The following PCED1B variants were observed in gnomAD, a reference collection of about 807,000 sequenced individuals.
The protein encoded by PCED1B is PC-esterase domain-containing protein 1B.
For missense variants in PCED1B, 573 were observed against 573.9 expected (o/e 1.00, Z 0.02); for synonymous variants, 251 against 246.1 (o/e 1.02, Z -0.19).
intron 1 of PCED1B, among the ~76,000 whole-genome samples, chr12:47,080,941 G>A (rs923055601): frequency 6.6e-6 from 1 of 152,134 alleles, no homozygotes; most frequent in African/African-American, 2.4e-5. Context: ...GTGCGCGGAG[G>A]CTCTTCATCC....
chr12:47,205,649 T>C (rs1245654390), intron 2 of PCED1B, among the ~76,000 whole-genome samples: 1 of 152,082 alleles, frequency 6.6e-6, no homozygotes, highest in Non-Finnish European at 1.5e-5. Flanking sequence ...ATAATTTTCT[T>C]AGTTGTAATT....
Position 47,082,218 on chromosome 12 carries a change from G to T in PCED1B, c.-609+2493G>T, listed in dbSNP as rs373827645. On this transcript the variant is annotated intron_variant, in intron 1 of 3. Transcript: ENST00000546455. ...AGAGGATAGCAGTTTTATCTGTTTTGTGTATTGCTGTATTCTCAGCTCTCA... is the reference window on the plus strand; with the variant it reads ...AGAGGATAGCAGTTTTATCTGTTTTTTGTATTGCTGTATTCTCAGCTCTCA... Among the ~76,000 whole-genome samples, 22 of 152,190 alleles carry T rather than the reference G, an allele frequency of 1.4e-4. No individual in the cohort carries two copies. The East Asian group carries it at 2.9e-3, about 20-fold the overall frequency.
intron 2 of PCED1B, among the ~76,000 whole-genome samples, chr12:47,130,283 G>A (rs1940072105): frequency 6.6e-6 from 1 of 152,122 alleles, no homozygotes; most frequent in Non-Finnish European, 1.5e-5. Context: ...AGGGTAGATA[G>A]GAAAATTGAA....
intron 2 of PCED1B, among the ~76,000 whole-genome samples, chr12:47,215,000 C>T (rs1352693041): frequency 6.6e-6 from 1 of 151,974 alleles, no homozygotes; most frequent in African/African-American, 2.4e-5. Context: ...GATTCTCCTG[C>T]CTCAGCCTCC....
At chr12:47,233,821 G>A (rs1379225933) in intron 3 of PCED1B, among the ~76,000 whole-genome samples, 1 of 152,104 alleles carries the variant, frequency 6.6e-6, no homozygotes, top group African/African-American at 2.4e-5. Context: ...TGCACATTTT[G>A]GGGTGGCATA....
chr12:47,117,537 T>A, intron 2 of PCED1B, among the ~76,000 whole-genome samples: 1 of 152,220 alleles, frequency 6.6e-6, no homozygotes, highest in Non-Finnish European at 1.5e-5. Flanking sequence ...TCATCCTTCT[T>A]TATGGCTGCA....
intron 2 of PCED1B, among the ~76,000 whole-genome samples, chr12:47,120,169 C>A (rs1939616355): frequency 1.3e-5 from 2 of 151,942 alleles, no homozygotes; most frequent in Non-Finnish European, 2.9e-5. Flanking sequence ...TAGCTAAAAA[C>A]AAAAATTCAG....
intron 3 of PCED1B, among the ~76,000 whole-genome samples, chr12:47,217,527 AAGAG>A (rs1281438751): frequency 8.1e-6 from 1 of 123,894 alleles, no homozygotes; most frequent in Non-Finnish European, 1.6e-5. Flanking sequence ...AAGAAAGAGA[AAGAG>A]AGAAAAGAAA....
rs372109816 is a variant in PCED1B at position 47,231,431 on chromosome 12, T to C, written c.-57-3576T>C. Among the ~76,000 whole-genome samples, 35 of 151,552 alleles carry C rather than the reference T, an allele frequency of 2.3e-4. No individual in the cohort carries two copies. The East Asian group carries it at 2.3e-3, about 10-fold the overall frequency. On this transcript the variant is annotated intron_variant, in intron 3 of 3. Transcript: ENST00000546455. ...TGCTAAAGCTAGTGGAGGATAAGGG[T>C]TTTTTCAGTAAGTTTATTTATACAG...
At chr12:47,129,920 G>A (rs888835831) in intron 2 of PCED1B, among the ~76,000 whole-genome samples, 1 of 152,214 alleles carries the variant, frequency 6.6e-6, no homozygotes, top group Non-Finnish European at 1.5e-5. Flanking sequence ...CTTATAATGA[G>A]CAAAAGCAGT....
chr12:47,201,031 G>A (rs1412060734), intron 2 of PCED1B, among the ~76,000 whole-genome samples: 1 of 152,074 alleles, frequency 6.6e-6, no homozygotes, highest in Non-Finnish European at 1.5e-5. Context: ...ACTTTGAGAC[G>A]AGTTAAGAGT....
At chr12:47,176,335 C>T (rs1941923457) in intron 2 of PCED1B, among the ~76,000 whole-genome samples, 1 of 152,092 alleles carries the variant, frequency 6.6e-6, no homozygotes, top group Admixed American at 6.5e-5. Context: ...TTGGAAATCC[C>T]TGGGTGACAA....
At chr12:47,234,491 T>A (rs1943909278) in intron 3 of PCED1B, among the ~76,000 whole-genome samples, 1 of 152,236 alleles carries the variant, frequency 6.6e-6, no homozygotes, top group South Asian at 2.1e-4. Context: ...TATGCATATC[T>A]CTTTTATATA....
At chr12:47,126,031 T>C (rs1203889656) in intron 2 of PCED1B, among the ~76,000 whole-genome samples, 1 of 152,120 alleles carries the variant, frequency 6.6e-6, no homozygotes, top group Non-Finnish European at 1.5e-5. Flanking sequence ...CTTGATACTC[T>C]AGTATAATGT....
chr12:47,135,707 G>C (rs1185796161), intron 2 of PCED1B: 3 of 530,984 alleles, frequency 5.6e-6, no homozygotes, highest in Admixed American at 3.9e-5. Context: ...TCTTGAAGAG[G>C]GTGTTGAATA....
chr12:47,114,172 A>G (rs1939323108), intron 2 of PCED1B, among the ~76,000 whole-genome samples: 1 of 152,170 alleles, frequency 6.6e-6, no homozygotes, highest in African/African-American at 2.4e-5. Flanking sequence ...CAGAATTCAG[A>G]TTCAGCACAC....
At chr12:47,175,153 A>G (rs1418831426) in intron 2 of PCED1B, among the ~76,000 whole-genome samples, 3 of 152,204 alleles carry the variant, frequency 2.0e-5, no homozygotes, top group Non-Finnish European at 2.9e-5. Flanking sequence ...AAATCGTAAA[A>G]GAGGTAGAAT....
rs770712364 is a variant in PCED1B at position 47,235,888 on chromosome 12, C to G, written c.825C>G (p.Val275=). Residue 275 remains valine, a synonymous_variant, in exon 4 of 4, where the codon GTC becomes GTG. Transcript: ENST00000546455. ...AGAAGAAAAAACCTGGCCCGAGAGTCGAAGGGCCGCCCCAGGCCAACAGAA... is the reference window on the plus strand; with the variant it reads ...AGAAGAAAAAACCTGGCCCGAGAGTGGAAGGGCCGCCCCAGGCCAACAGAA... The part of the protein sequence containing the change: ...WIKKKKPGPR[V]EGPPQANRNH... 8.2e-6 allele frequency: 13 copies of G among 1,593,462 alleles called. No individual in the cohort carries two copies. The highest frequency in any genetic ancestry group is 1.0e-5 in the Non-Finnish European group (12 of 1,170,274).
At chr12:47,230,552 C>G (rs1338125765) in intron 3 of PCED1B, among the ~76,000 whole-genome samples, 1 of 152,166 alleles carries the variant, frequency 6.6e-6, no homozygotes, top group Non-Finnish European at 1.5e-5. Context: ...CAGGGGATCT[C>G]CCGCCTCAGC....
Sources: allele counts gnomAD v4.1 joint callset (sites outside exome capture counted in the v4.1 genomes callset), GRCh38; gene constraint gnomAD v4.1.1; transcripts MANE v1.5; gene names NCBI Gene and HGNC (gene_info 2026-07-23, HGNC 2026-07-21).